DLGAP2: variants seen among roughly 807,000 people sequenced by gnomAD.
DLGAP2 encodes DLG associated protein 2, also known as disks large-associated protein 2.
Under a neutral mutation model 100.3 loss-of-function variants are expected in DLGAP2, and 26 were observed. The observed-to-expected ratio is 0.26, with a 90% CI of 0.19 to 0.36. The LOEUF is 0.36. DLGAP2 is among the 10% of genes least tolerant of loss of function. The pLI is 1.00. For missense variants in DLGAP2, 1,858 were observed against 1,453.2 expected (o/e 1.28, Z -4.53); for synonymous variants, 886 against 630.1 (o/e 1.41, Z -6.08).
chr8:947,754 C>A (rs1051748457), intron 2 of DLGAP2, among the ~76,000 whole-genome samples: 4 of 152,202 alleles, frequency 2.6e-5, no homozygotes, highest in African/African-American at 9.6e-5. Context: ...TTTGAGGATC[C>A]GGCTCCCCGG....
At chr8:1,162,116 A>G (rs1041071654) in intron 2 of DLGAP2, among the ~76,000 whole-genome samples, 5 of 152,214 alleles carry the variant, frequency 3.3e-5, no homozygotes, top group Admixed American at 2.6e-4. Flanking sequence ...CCCGTGGGGC[A>G]GATTCCACAG....
At chr8:1,113,682 C>T (rs1160181848) in intron 2 of DLGAP2, among the ~76,000 whole-genome samples, 2 of 151,944 alleles carry the variant, frequency 1.3e-5, no homozygotes, top group African/African-American at 4.8e-5. Flanking sequence ...GCTTGGATGC[C>T]CTTTATTTTT....
intron 2 of DLGAP2, chr8:1,032,764 T>A (rs75261541): frequency 2.1e-4 from 32 of 152,342 alleles, no homozygotes; most frequent in African/African-American, 7.2e-4. Flanking sequence ...AAATGAGATG[T>A]GTTCCTGTGT....
chr8:1,698,645 C>G (rs1799476759), intron 14 of DLGAP2, among the ~76,000 whole-genome samples: 3 of 150,142 alleles, frequency 2.0e-5, no homozygotes, highest in Non-Finnish European at 4.4e-5. Context: ...TAGACAGGTC[C>G]AAGTAAGCCA....
chr8:1,299,454 T>C (rs1184994609), intron 3 of DLGAP2, among the ~76,000 whole-genome samples: 4 of 152,258 alleles, frequency 2.6e-5, no homozygotes, highest in Non-Finnish European at 4.4e-5. Flanking sequence ...AATAATACTC[T>C]TTGTGATAAT....
intron 3 of DLGAP2, among the ~76,000 whole-genome samples, chr8:1,438,386 A>T (rs1797714109): frequency 6.6e-6 from 1 of 152,162 alleles, no homozygotes; most frequent in Non-Finnish European, 1.5e-5. Flanking sequence ...TTCGCTGCTT[A>T]GGAGGCCATT....
At chr8:1,381,711 A>G (rs1341579102) in intron 3 of DLGAP2, among the ~76,000 whole-genome samples, 1 of 151,502 alleles carries the variant, frequency 6.6e-6, no homozygotes, top group Non-Finnish European at 1.5e-5. Flanking sequence ...ACTCAGCATC[A>G]TGTCCTCCAG....
At chr8:1,669,451 G>A (rs1008869031) in intron 9 of DLGAP2, among the ~76,000 whole-genome samples, 3 of 152,224 alleles carry the variant, frequency 2.0e-5, no homozygotes, top group South Asian at 2.1e-4. Context: ...GCATCCCTCC[G>A]GGATCTGGCG....
At chr8:1,169,352 C>A (rs1485034450) in intron 2 of DLGAP2, among the ~76,000 whole-genome samples, 1 of 152,114 alleles carries the variant, frequency 6.6e-6, no homozygotes, top group African/African-American at 2.4e-5. Context: ...TTAGGATTGA[C>A]TTGGCGATGC....
At chr8:1,432,165 G>A (rs572831446) in intron 3 of DLGAP2, among the ~76,000 whole-genome samples, 2 of 152,326 alleles carry the variant, frequency 1.3e-5, no homozygotes, top group South Asian at 4.1e-4. Flanking sequence ...ATACTCATAA[G>A]GAAACAAGTG....
chr8:1,185,746 C>G (rs1264567967), intron 2 of DLGAP2, among the ~76,000 whole-genome samples: 1 of 147,712 alleles, frequency 6.8e-6, no homozygotes, highest in Non-Finnish European at 1.5e-5. Flanking sequence ...CACACACACA[C>G]TCACACACAT....
intron 6 of DLGAP2, among the ~76,000 whole-genome samples, chr8:1,605,799 G>C (rs928790220): frequency 6.6e-6 from 1 of 152,178 alleles, no homozygotes; most frequent in African/African-American, 2.4e-5. Flanking sequence ...TTCCGTGTTT[G>C]TCTGAATTAT....
At chr8:976,265 G>A (rs1800159519) in intron 2 of DLGAP2, among the ~76,000 whole-genome samples, 2 of 152,180 alleles carry the variant, frequency 1.3e-5, no homozygotes, top group Admixed American at 1.3e-4. Context: ...TGAAGACAGT[G>A]TTGTATTGGT....
rs190865279 is a variant in DLGAP2, at chr8:1,360,064, G to A, written c.106+101181G>A. ...AGCCACTTTCCGCCTCTTCATCCCCGTCCACTGAGGAAATCCACCGAAGCC... is the reference window on the plus strand; with the variant it reads ...AGCCACTTTCCGCCTCTTCATCCCCATCCACTGAGGAAATCCACCGAAGCC... On this transcript the variant is annotated intron_variant, in intron 3 of 14. Coordinates refer to ENST00000637795, the MANE Select transcript of DLGAP2 (RefSeq NM_001346810.2). Among the ~76,000 whole-genome samples, 90 of 152,238 alleles carry A rather than the reference G, an allele frequency of 5.9e-4. 1 individual carries two copies. In the East Asian group the frequency reaches 0.015, roughly 26 times the overall value.
chr8:894,822 G>A, intron 1 of DLGAP2, among the ~76,000 whole-genome samples: 1 of 101,744 alleles, frequency 9.8e-6, no homozygotes, highest in African/African-American at 4.1e-5. Context: ...TGGCAGGGGT[G>A]GGGTGGGGAG....
intron 2 of DLGAP2, among the ~76,000 whole-genome samples, chr8:1,024,674 T>G (rs1415557913): frequency 6.6e-6 from 1 of 151,824 alleles, no homozygotes; most frequent in African/African-American, 2.4e-5. Flanking sequence ...AGAGGAGGAG[T>G]GCGGTGGGTT....
At chr8:1,443,830 G>C (rs538679228) in intron 3 of DLGAP2, among the ~76,000 whole-genome samples, 2 of 152,226 alleles carry the variant, frequency 1.3e-5, no homozygotes, top group African/African-American at 4.8e-5. Context: ...GATGAGATTT[G>C]GGCAGGGACA....
intron 6 of DLGAP2, among the ~76,000 whole-genome samples, chr8:1,581,587 A>G (rs1298290629): frequency 4.0e-5 from 6 of 150,592 alleles, no homozygotes; most frequent in South Asian, 2.1e-4. Flanking sequence ...CCACACATAT[A>G]CACACACCAC....
chr8:998,379 C>T (rs975087507), intron 2 of DLGAP2, among the ~76,000 whole-genome samples: 1 of 152,160 alleles, frequency 6.6e-6, no homozygotes. Context: ...TAGCTCACTG[C>T]CGCCTTGAAC....
Sources: allele counts gnomAD v4.1 joint callset (sites outside exome capture counted in the v4.1 genomes callset), GRCh38; gene constraint gnomAD v4.1.1; transcripts MANE v1.5; gene names NCBI Gene and HGNC (gene_info 2026-07-23, HGNC 2026-07-21).